CDK20: variants seen among roughly 807,000 people sequenced by gnomAD.
CDK20 encodes the protein cyclin-dependent kinase 20.
A neutral mutation model predicts 38.6 loss-of-function variants in CDK20; 40 were observed. That is an observed-to-expected ratio of 1.04 (90% CI 0.81 to 1.35). The LOEUF (loss-of-function observed/expected upper bound fraction) is 1.35. Ranked by LOEUF, CDK20 falls within the 40% of genes most tolerant of loss-of-function variation. CDK20 has a pLI of 0.00. For missense variants in CDK20, 512 were observed against 452.6 expected (o/e 1.13, Z -1.19); for synonymous variants, 209 against 185.7 (o/e 1.13, Z -1.02).
rs771012844 is a variant in CDK20, at chr9:87,967,087, T to A, written c.*375A>T. On this transcript the variant is annotated 3_prime_UTR_variant, in exon 8 of 8. Transcript: ENST00000325303. ...AGTTTCCAACATAAGGACACCTTAC[T>A]CTCTGCACTTCTCCTTGACCAGGAG... 5 of 547,860 alleles carry A rather than the reference T, an allele frequency of 9.1e-6. No homozygotes were observed. The Admixed American group carries it at 9.6e-5, about 10-fold the overall frequency. The allele number at this position is 547,860 out of a possible 1,614,324, so 33.9% of individuals were successfully genotyped here.
Position 87,970,899 on chromosome 9 carries a change from T to C in CDK20, c.379-2A>G, listed in dbSNP as rs1200572448. ...GAGCAGGTTGGCAGGTTTCAGGTCC[T>C]GGGAGTACCAAAAGAAGCATCAGTC... is the stretch of plus-strand genomic sequence containing the variant. On this transcript the variant is annotated splice_acceptor_variant, in intron 3 of 7. Transcript: ENST00000325303. LOFTEE classifies it high-confidence loss of function. The C allele has an allele frequency of 1.2e-5, 20 of 1,614,014 alleles. No individual in the cohort carries two copies. Among genetic ancestry groups the C allele is most frequent in the African/African-American group, 2.7e-5 (2 of 74,936 alleles).
chr9:87,969,994 A>G (rs1056235761), intron 5 of CDK20, 75 bp from the exon 6 acceptor site: 41 of 1,466,662 alleles, frequency 2.8e-5, no homozygotes, highest in Non-Finnish European at 3.4e-5. Context: ...AGCAGCTCTA[A>G]CACTGCACTC....
At position 87,971,325 on chromosome 9, in the gene CDK20, A is replaced by G; in HGVS notation, c.200T>C (p.Leu67Pro). ...TCCACCGTGTGGGAACACAGCCTTC[A>G]GTTGTACCACCTGTGGGCAGGACAT... ...EMEDNQYVVQ[L>P]KAVFPHGGGF... The change falls in exon 3 of 8, where the codon CTG (leucine) becomes CCG (proline). Residue 67 changes from leucine (L) to proline (P), a missense_variant. Leu to Pro is a moderately conservative substitution (Grantham distance 98, BLOSUM62 -3). Transcript: ENST00000325303. 6.2e-7 allele frequency: 1 copy of G among 1,612,618 alleles called. No homozygotes were observed. The highest frequency in any genetic ancestry group is 1.1e-5 in the South Asian group (1 of 90,778).
intron 2 of CDK20, 86 bp from the exon 3 acceptor site, chr9:87,971,421 G>A: frequency 8.0e-7 from 1 of 1,253,220 alleles, no homozygotes; most frequent in Non-Finnish European, 1.1e-6. Flanking sequence ...TGCCCTGACA[G>A]AGGACCCTGT....
At position 87,973,802 on chromosome 9, in the gene CDK20, A is replaced by T. The variant is rs759843885; in HGVS notation, c.189+120T>A. On this transcript the variant is annotated intron_variant, in intron 2 of 7. Transcript: ENST00000325303. ...GGCAGATGAATGAGCAGTGTGTGTG[A>T]GTGACAGCGGGAGGAAATCCCTGAA... 2.1e-5 allele frequency: 21 copies of T among 1,023,606 alleles called. No individual in the cohort carries two copies. The African/African-American group carries it at 2.2e-4, about 11-fold the overall frequency. The allele number at this position is 1,023,606 out of a possible 1,614,324, so 63.4% of individuals were successfully genotyped here.
chr9:87,970,745 A>T, intron 4 of CDK20, 31 bp downstream of exon 4: 1 of 1,613,640 alleles, frequency 6.2e-7, no homozygotes, highest in Non-Finnish European at 8.5e-7. Flanking sequence ...TTCCCCATGG[A>T]GAAGACTGGA....
At chr9:87,968,953 A>G (rs1222004812) in intron 7 of CDK20, 2 of 529,960 alleles carry the variant, frequency 3.8e-6, no homozygotes, top group Non-Finnish European at 6.7e-6. Context: ...AGAGTTGGGC[A>G]TGCCCCTCGT....
Position 87,969,829 on chromosome 9 carries a change from G to A in CDK20, c.654C>T (p.Arg218=). The A allele has an allele frequency of 6.2e-7, 1 of 1,613,686 alleles. No homozygotes were observed. The highest frequency in any genetic ancestry group is 8.5e-7 in the Non-Finnish European group (1 of 1,179,802). ...NDIEQLCYVL[R]ILGTPNPQVW... ...CTTGAGGGTTTGGGGTGCCCAAGATGCGAAGCACATAGCAAAGCTGTTCAA... is the reference window on the plus strand; with the variant it reads ...CTTGAGGGTTTGGGGTGCCCAAGATACGAAGCACATAGCAAAGCTGTTCAA... The change falls in exon 6 of 8, where the codon CGC becomes CGT. Residue 218 remains arginine (R), a synonymous_variant. Coordinates refer to ENST00000325303, the MANE Select transcript of CDK20 (RefSeq NM_001039803.3).
At chr9:87,973,091 T>C (rs921552071) in intron 2 of CDK20, among the ~76,000 whole-genome samples, 2 of 152,196 alleles carry the variant, frequency 1.3e-5, no homozygotes, top group African/African-American at 4.8e-5. Context: ...CACAAAATTT[T>C]ATAACATGCT....
At position 87,969,257 on chromosome 9, in the gene CDK20, C is replaced by T. The variant is rs751585050; in HGVS notation, c.780G>A (p.Gln260=). The T allele has an allele frequency of 1.1e-5, 18 of 1,613,974 alleles. No homozygotes were observed. The highest frequency in any genetic ancestry group is 1.4e-5 in the Non-Finnish European group (16 of 1,180,000). ...GGAATTGACCCAGCAGATCCAATGC[C>T]TGGGGAGAGACGTCAGGCAGCACCT... ...LEEVLPDVSP[Q]ALDLLGQFLL... is the part of the protein sequence containing the mutation. The change falls in exon 7 of 8, where the codon CAG becomes CAA. Residue 260 remains glutamine, a synonymous_variant. Transcript: ENST00000325303.
In CDK20 at chr9:87,971,463, G is replaced by A. The variant is rs147313890; in HGVS notation, c.190-128C>T. On this transcript the variant is annotated intron_variant, in intron 2 of 7. Transcript: ENST00000325303. ...AAAGACAGTAAGCAAAGAAGGTGAC[G>A]TGGACCTGAGCTAAGAATCAGAGAG... The A allele has an allele frequency of 1.6e-3, 1,241 of 782,934 alleles. 3 individuals are homozygous for A. Among genetic ancestry groups the A allele is most frequent in the Non-Finnish European group, 2.2e-3 (1,098 of 494,536 alleles). The allele number at this position is 782,934 out of a possible 1,614,324, so 48.5% of individuals were successfully genotyped here. A position where few individuals can be genotyped will look rare whatever the true frequency, so the allele number is the denominator to read the frequency against.
intron 7 of CDK20, 115 bp from the exon 8 acceptor site, chr9:87,967,774 T>TAAAA: frequency 1.1e-6 from 1 of 877,656 alleles, no homozygotes; most frequent in Non-Finnish European, 1.7e-6. Context: ...CTGGGTGTTT[T>TAAAA]CTGAGTGTCT....
Position 87,971,247 on chromosome 9 carries a change from C to T in CDK20, c.278G>A (p.Arg93His), listed in dbSNP as rs144310084. 74 of 1,614,072 alleles carry T rather than the reference C, an allele frequency of 4.6e-5. No homozygotes were observed. Among genetic ancestry groups the T allele is most frequent in the East Asian group, 2.2e-4 (10 of 44,866 alleles). The change falls in exon 3 of 8, where the codon CGC becomes CAC. Residue 93 changes from arginine to histidine, a missense_variant. Transcript: ENST00000325303. ...CTGGGCTAGTGGCCTCTGGGCATGG[C>T]GCACCACCTCGGCCAGATCCGACAG... ...FMLSDLAEVVRHAQRPLAQAQ... is the reference protein window; with the variant it reads ...FMLSDLAEVVHHAQRPLAQAQ...
At chr9:87,967,825 C>T (rs1402342571) in intron 7 of CDK20, 166 bp from the exon 8 acceptor site, 10 of 587,442 alleles carry the variant, frequency 1.7e-5, no homozygotes, top group African/African-American at 7.4e-5. Flanking sequence ...GGAACATAGC[C>T]GTTAATAAAA....
At position 87,971,324 on chromosome 9, in the gene CDK20, C is replaced by T; in HGVS notation, c.201G>A (p.Leu67=). ...CTCCACCGTGTGGGAACACAGCCTT[C>T]AGTTGTACCACCTGTGGGCAGGACA... is the stretch of plus-strand genomic sequence containing the variant. ...EMEDNQYVVQ[L]KAVFPHGGGF... The change falls in exon 3 of 8, where the codon CTG becomes CTA. Residue 67 remains leucine, a synonymous_variant. Transcript: ENST00000325303. 6.2e-7 allele frequency: 1 copy of T among 1,612,502 alleles called. No individual in the cohort carries two copies. The highest frequency in any genetic ancestry group is 8.5e-7 in the Non-Finnish European group (1 of 1,179,240).
intron 3 of CDK20, 84 bp downstream of exon 3, chr9:87,971,063 T>A: frequency 6.6e-7 from 1 of 1,522,364 alleles, no homozygotes; most frequent in Non-Finnish European, 8.9e-7. Flanking sequence ...CCCAACTTCT[T>A]ATCACACCTT....
rs1236617991 is a variant in CDK20 at position 87,966,802 on chromosome 9, C to T, written c.*660G>A. On this transcript the variant is annotated 3_prime_UTR_variant, in exon 8 of 8. Transcript: ENST00000325303. ...TGGGCCTAGACTTCTGTCTCCCTCA[C>T]TTCTAAATGAGTGCTCAGTGATGTG... 4 of 349,110 alleles carry T rather than the reference C, an allele frequency of 1.1e-5. No homozygotes were observed. The highest frequency in any genetic ancestry group is 1.1e-5 in the Non-Finnish European group (2 of 176,888). 21.6% of individuals were successfully genotyped at this position (349,110 alleles called of 1,614,324 possible).
At chr9:87,971,685 G>A (rs543342807) in intron 2 of CDK20, among the ~76,000 whole-genome samples, 29 of 152,124 alleles carry the variant, frequency 1.9e-4, no homozygotes, top group Admixed American at 7.2e-4. Context: ...TAGAACCACC[G>A]AATCCCAGCA....
At chr9:87,974,057 C>A in intron 1 of CDK20, 22 bp from the exon 2 acceptor site, 1 of 1,613,876 alleles carries the variant, frequency 6.2e-7, no homozygotes, top group South Asian at 1.1e-5. Context: ...AAGGCAGACA[C>A]TGCCAGCCCA....
Sources: allele counts gnomAD v4.1 joint callset (sites outside exome capture counted in the v4.1 genomes callset), GRCh38; gene constraint gnomAD v4.1.1; transcripts MANE v1.5; gene names NCBI Gene and HGNC (gene_info 2026-07-23, HGNC 2026-07-21).